CFAP52: variants seen among roughly 807,000 people sequenced by gnomAD.
CFAP52 encodes the protein cilia- and flagella-associated protein 52.
In CFAP52, 57 loss-of-function variants were observed where a neutral mutation model predicts 70.5. The observed-to-expected ratio is 0.81, with a 90% CI of 0.65 to 1.01. CFAP52 has a LOEUF of 1.01. Ranked by LOEUF, CFAP52 falls within the 50% of genes least tolerant of loss-of-function variation. CFAP52 has a pLI of 0.00. For missense variants in CFAP52, 785 were observed against 788.5 expected, an observed-to-expected ratio of 1.00 and a Z score of 0.05; for synonymous variants, 267 against 292.5, an observed-to-expected ratio of 0.91 and a Z score of 0.89.
chr17:9,615,791 A>C lies in CFAP52; in HGVS notation c.1025+3312A>C, dbSNP rs1597785919. 4.2e-5 allele frequency among the ~76,000 whole-genome samples: 5 copies of C among 118,826 alleles called. No individual in the cohort carries two copies. The South Asian group carries it at 1.3e-3, about 32-fold the overall frequency. 78.0% of individuals were successfully genotyped at this position (118,826 alleles called of 152,430 possible). On this transcript the variant is annotated intron_variant, in intron 8 of 13. Coordinates refer to ENST00000352665, the MANE Select transcript of CFAP52 (RefSeq NM_145054.5). ...GCCCAGCTAATTAAAACAAAAAAAA[A>C]ATTCTTTTTTTTTTTTTTTTTTTTT...
At chr17:9,644,991 C>A (rs1279195303), downstream of CFAP52, 1 of 152,258 alleles carries the variant, frequency 6.6e-6, no homozygotes, top group Non-Finnish European at 1.5e-5. Flanking sequence ...CAACACGTGG[C>A]TCCCAGTTCA....
chr17:9,587,236 A>G (rs774112899), intron 3 of CFAP52, among the ~76,000 whole-genome samples: 8 of 152,152 alleles, frequency 5.3e-5, no homozygotes, highest in Admixed American at 1.3e-4. Flanking sequence ...TCCATGATGT[A>G]TATGTACCAC....
intron 3 of CFAP52, chr17:9,589,780 CT>C (rs1387002278): frequency 7.5e-6 from 1 of 133,636 alleles, no homozygotes; most frequent in Non-Finnish European, 1.6e-5. Flanking sequence ...CAGAAATCCC[CT>C]GTTAACATTC....
At position 9,641,773 on chromosome 17, in the gene CFAP52, G is replaced by A. The variant is rs552119987; in HGVS notation, c.1625G>A (p.Gly542Asp). ...FDGTVIRELE[G>D]SLSGSINGMD... The stretch of plus-strand genomic sequence containing the variant: ...GGGACAGTAATCAGAGAATTGGAAG[G>A]TTCCCTGTCTGGGTCGATAAATGGC... The change falls in exon 13 of 14, where the codon GGT becomes GAT. Residue 542 changes from glycine to aspartate, a missense_variant. Physicochemically the swap from Gly to Asp is moderately conservative, Grantham distance 94. Transcript: ENST00000352665. 69 of 1,614,010 alleles carry A rather than the reference G, an allele frequency of 4.3e-5. No homozygotes were observed. Among genetic ancestry groups the A allele is most frequent in the East Asian group, 3.6e-4 (16 of 44,870 alleles).
Position 9,628,710 on chromosome 17 carries a change from A to T in CFAP52, c.1064A>T (p.Asp355Val), listed in dbSNP as rs889213613. The stretch of plus-strand genomic sequence containing the variant: ...CTATTTGCAACCTGTGCCAAGAAGG[A>T]TATCAGGGTGTGGCACACATCATCC... ...AELFATCAKK[D>V]IRVWHTSSNR... The change falls in exon 9 of 14, where the codon GAT (aspartate) becomes GTT (valine). Residue 355 changes from aspartate to valine, a missense_variant. Transcript: ENST00000352665. 6.2e-7 allele frequency: 1 copy of T among 1,614,004 alleles called. No individual in the cohort carries two copies. Among genetic ancestry groups the T allele is most frequent in the Admixed American group, 1.7e-5 (1 of 59,994 alleles).
At chr17:9,605,423 A>G (rs372167772) in intron 6 of CFAP52, among the ~76,000 whole-genome samples, 65 of 152,262 alleles carry the variant, frequency 4.3e-4, no homozygotes, top group African/African-American at 1.5e-3. Flanking sequence ...AGACAATAAA[A>G]AGATCAGGCT....
chr17:9,632,882 T>C lies in CFAP52; in HGVS notation c.1175-6T>C, dbSNP rs1017003276. The C allele has an allele frequency of 1.2e-6, 2 of 1,613,716 alleles. No individual in the cohort carries two copies. The highest frequency in any genetic ancestry group is 1.7e-6 in the Non-Finnish European group (2 of 1,179,776). ...CTGCCTGCCTTTTGTTTCCCTTTCA[T>C]GCCAGCATGGAACGACGGTAAAATC... On this transcript the variant is annotated splice_polypyrimidine_tract_variant and splice_region_variant and intron_variant, in intron 9 of 13. Transcript: ENST00000352665.
In CFAP52 at chr17:9,641,940, AG is replaced by A. The variant is rs1286141835; in HGVS notation, c.1687+107del. 8 of 928,306 alleles carry A rather than the reference AG, an allele frequency of 8.6e-6. No individual in the cohort carries two copies. The Admixed American group carries it at 1.2e-4, about 14-fold the overall frequency. The allele number at this position is 928,306 out of a possible 1,614,324, so 57.5% of individuals were successfully genotyped here. ...TGGAAAAGACAACAAAAGGGTCTCA[AG>A]GCAACTTGGTTAGAATCAGATTCCA... On this transcript the variant is annotated intron_variant, in intron 13 of 13. Coordinates refer to ENST00000352665, the MANE Select transcript of CFAP52 (RefSeq NM_145054.5).
chr17:9,597,730 G>A (rs963753255), intron 4 of CFAP52: 1 of 153,074 alleles, frequency 6.5e-6, no homozygotes, highest in African/African-American at 2.4e-5. Flanking sequence ...TTGAACCTGG[G>A]AGGTGGAGGT....
rs189389151 is a variant in CFAP52, at chr17:9,585,807, C to A, written c.105C>A (p.Asp35Glu). The A allele has an allele frequency of 6.2e-7, 1 of 1,614,058 alleles. No homozygotes were observed. Among genetic ancestry groups the A allele is most frequent in the East Asian group, 2.2e-5 (1 of 44,866 alleles). ...CCACTGGTCTCAAATGCCATCCTGA[C>A]CAGGAGCATATGATTTATCCTCTTG... ...HVPTGLKCHPDQEHMIYPLGC... is the reference protein window; with the variant it reads ...HVPTGLKCHPEQEHMIYPLGC... Residue 35 changes from aspartate to glutamate, a missense_variant, in exon 2 of 14, where the codon GAC becomes GAA. Transcript: ENST00000352665.
chr17:9,612,266 C>T, intron 7 of CFAP52, 43 bp from the exon 8 acceptor site: 1 of 1,602,010 alleles, frequency 6.2e-7, no homozygotes, highest in Non-Finnish European at 8.5e-7. Flanking sequence ...TAACTACTTA[C>T]TGGTTGAGTG....
chr17:9,641,668 G>A (rs1440053985), intron 12 of CFAP52, 56 bp from the exon 13 acceptor site: 1 of 1,285,504 alleles, frequency 7.8e-7, no homozygotes, highest in Non-Finnish European at 1.1e-6. Context: ...GTTAGCATGT[G>A]CATGGATGAC....
At chr17:9,605,120 T>C (rs1567626979) in intron 6 of CFAP52, among the ~76,000 whole-genome samples, 1 of 152,216 alleles carries the variant, frequency 6.6e-6, no homozygotes, top group Non-Finnish European at 1.5e-5. Context: ...TGAAAACTTA[T>C]GTTCACACGA....
At chr17:9,634,439 G>A (rs920545938) in intron 10 of CFAP52, among the ~76,000 whole-genome samples, 1 of 152,188 alleles carries the variant, frequency 6.6e-6, no homozygotes, top group African/African-American at 2.4e-5. Flanking sequence ...GAGCTCAGGA[G>A]TTTGAGACCA....
intron 9 of CFAP52, among the ~76,000 whole-genome samples, chr17:9,631,066 G>GAAAGAAAGAA (rs1349103027): frequency 1.6e-5 from 2 of 123,200 alleles, no homozygotes; most frequent in Admixed American, 7.8e-5. Flanking sequence ...AAGAAAGAAA[G>GAAAGAAAGAA]AAAGAAAGAA....
intron 8 of CFAP52, among the ~76,000 whole-genome samples, chr17:9,622,111 C>T (rs1204530346): frequency 6.6e-6 from 1 of 152,150 alleles, no homozygotes; most frequent in Non-Finnish European, 1.5e-5. Context: ...TTTATTTTCA[C>T]CTTTCCTCCA....
At chr17:9,586,594 A>C in intron 2 of CFAP52, 104 bp from the exon 3 acceptor site, 1 of 1,401,442 alleles carries the variant, frequency 7.1e-7, no homozygotes, top group Non-Finnish European at 9.4e-7. Context: ...AAGAAAGAAA[A>C]AAGAAAAGTG....
Position 9,600,053 on chromosome 17 carries a change from T to C in CFAP52, c.637-14T>C, listed in dbSNP as rs200804897. On this transcript the variant is annotated splice_polypyrimidine_tract_variant and intron_variant, in intron 5 of 13. Coordinates refer to ENST00000352665, the MANE Select transcript of CFAP52 (RefSeq NM_145054.5). ...ACCGAGGCTGGCCAAGATTTCTTTT[T>C]CTTGCTTCTTCAGGTGGATGATGAT... 7 of 1,612,216 alleles carry C rather than the reference T, an allele frequency of 4.3e-6. No individual in the cohort carries two copies.
intron 1 of CFAP52, among the ~76,000 whole-genome samples, chr17:9,580,245 C>G (rs1359878024): frequency 6.7e-6 from 1 of 149,488 alleles, no homozygotes; most frequent in Non-Finnish European, 1.5e-5. Flanking sequence ...TTATACCACA[C>G]TAGCAGAGAT....
Sources: allele counts gnomAD v4.1 joint callset (sites outside exome capture counted in the v4.1 genomes callset), GRCh38; gene constraint gnomAD v4.1.1; transcripts MANE v1.5; gene names NCBI Gene and HGNC (gene_info 2026-07-23, HGNC 2026-07-21).